EIF2AK4: variants seen among roughly 807,000 people sequenced by gnomAD.
EIF2AK4 encodes the protein eIF-2-alpha kinase GCN2.
EIF2AK4 carries 139 observed loss-of-function variants against 211.1 expected under a neutral mutation model. The observed-to-expected ratio is 0.66, with a 90% CI of 0.57 to 0.76. EIF2AK4 has a LOEUF of 0.76. Ranked by LOEUF, EIF2AK4 falls within the 30% of genes least tolerant of loss-of-function variation. The probability of loss-of-function intolerance (pLI) is 0.00; values close to 1 mark genes in which losing one functional copy is unlikely to be tolerated. For missense variants in EIF2AK4, 1,664 were observed against 2,043.8 expected, an observed-to-expected ratio of 0.81 and a Z score of 3.58; for synonymous variants, 710 against 751.3, an observed-to-expected ratio of 0.94 and a Z score of 0.90.
At chr15:40,029,268 G>T in intron 33 of EIF2AK4, 138 bp from the exon 34 acceptor site, 2 of 1,372,888 alleles carry the variant, frequency 1.5e-6, no homozygotes, top group Middle Eastern at 2.1e-4. Flanking sequence ...TTTTGTTTTT[G>T]TTTTTCCACC....
chr15:40,027,521 C>G (rs1423878861), intron 33 of EIF2AK4, among the ~76,000 whole-genome samples: 1 of 152,104 alleles, frequency 6.6e-6, no homozygotes, highest in Non-Finnish European at 1.5e-5. Flanking sequence ...TATTGTGCAG[C>G]CTTTAAAAAT....
intron 3 of EIF2AK4, among the ~76,000 whole-genome samples, chr15:39,945,983 T>C (rs2034222415): frequency 6.6e-6 from 1 of 152,218 alleles, no homozygotes; most frequent in Admixed American, 6.5e-5. Flanking sequence ...TAAAATATTA[T>C]TGCTCATTGA....
At chr15:39,988,698 C>G (rs968786101) in intron 15 of EIF2AK4, among the ~76,000 whole-genome samples, 2 of 152,058 alleles carry the variant, frequency 1.3e-5, no homozygotes, top group Non-Finnish European at 2.9e-5. Flanking sequence ...GAGGATGATT[C>G]CTTGAGTGCT....
At chr15:40,026,150 A>C in intron 33 of EIF2AK4, 61 bp downstream of exon 33, 1 of 1,445,436 alleles carries the variant, frequency 6.9e-7, no homozygotes, top group Non-Finnish European at 9.6e-7. Flanking sequence ...AAACTACGTA[A>C]ATTTATTTTA....
chr15:39,957,735 G>A (rs567462619), intron 6 of EIF2AK4, among the ~76,000 whole-genome samples: 7 of 152,326 alleles, frequency 4.6e-5, no homozygotes, highest in African/African-American at 1.4e-4. Flanking sequence ...ATCTGATGCA[G>A]GGAGGGAGCC....
intron 9 of EIF2AK4, 52 bp from the exon 10 acceptor site, chr15:39,972,856 G>C: frequency 6.9e-7 from 1 of 1,453,298 alleles, no homozygotes; most frequent in South Asian, 1.1e-5. Context: ...GGATTAACTA[G>C]TTTAGCACTG....
intron 9 of EIF2AK4, among the ~76,000 whole-genome samples, chr15:39,968,399 A>C (rs1272552583): frequency 6.6e-6 from 1 of 152,224 alleles, no homozygotes; most frequent in Non-Finnish European, 1.5e-5. Flanking sequence ...TTTAATTACA[A>C]AGCCAAGTTT....
chr15:39,991,053 A>G (rs55652949), intron 16 of EIF2AK4: 12,095 of 152,560 alleles, frequency 0.079, 648 homozygotes, highest in East Asian at 0.24. Context: ...GTAGGCTTTG[A>G]ATGCCAGAGG....
rs2034565753 is a variant in EIF2AK4 at position 39,967,756 on chromosome 15, A to G, written c.1430A>G (p.Lys477Arg). The G allele has an allele frequency of 6.2e-7, 1 of 1,614,212 alleles. No homozygotes were observed. Among genetic ancestry groups the G allele is most frequent in the Non-Finnish European group, 8.5e-7 (1 of 1,180,030 alleles). The part of the protein sequence containing the change: ...SDNALPYKTG[K>R]KGDVWRLGLL... ...AATGCTCTGCCTTATAAAACGGGGA[A>G]GAAAGGAGATGTTTGGCGTCTTGGC... The change falls in exon 9 of 39, where the codon AAG (lysine) becomes AGG (arginine). Residue 477 changes from lysine (K) to arginine (R), a missense_variant. Physicochemically the swap from Lys to Arg is conservative, Grantham distance 26. Coordinates refer to ENST00000263791, the MANE Select transcript of EIF2AK4 (RefSeq NM_001013703.4).
chr15:39,939,142 G>T (rs2140895885), intron 1 of EIF2AK4, among the ~76,000 whole-genome samples: 1 of 152,174 alleles, frequency 6.6e-6, no homozygotes, highest in Non-Finnish European at 1.5e-5. Flanking sequence ...ATCACTATTT[G>T]AAATCACTCG....
intron 37 of EIF2AK4, among the ~76,000 whole-genome samples, chr15:40,033,951 C>T (rs2035577998): frequency 6.6e-6 from 1 of 151,714 alleles, no homozygotes; most frequent in African/African-American, 2.4e-5. Flanking sequence ...TTACTTGAAC[C>T]CAGGAGGTGG....
At chr15:40,003,454 G>T in intron 23 of EIF2AK4, 140 bp downstream of exon 23, 4 of 1,343,126 alleles carry the variant, frequency 3.0e-6, no homozygotes, top group Non-Finnish European at 4.0e-6. Context: ...AGTTGTCAGA[G>T]TGAGAGTGTT....
chr15:40,023,031 T>C (rs2035415502), intron 32 of EIF2AK4, among the ~76,000 whole-genome samples: 1 of 152,168 alleles, frequency 6.6e-6, no homozygotes, highest in Admixed American at 6.5e-5. Flanking sequence ...CCGGCCGTTG[T>C]TGGGTTTCTT....
chr15:39,938,616 G>A (rs1242995800), intron 1 of EIF2AK4, among the ~76,000 whole-genome samples: 1 of 152,206 alleles, frequency 6.6e-6, no homozygotes, highest in African/African-American at 2.4e-5. Flanking sequence ...CTCAATCCCA[G>A]CAACTTAGGA....
chr15:40,028,004 A>T (rs965750372), intron 33 of EIF2AK4, among the ~76,000 whole-genome samples: 36 of 152,248 alleles, frequency 2.4e-4, no homozygotes, highest in Admixed American at 1.2e-3. Context: ...CCAAATTTTT[A>T]ATTGTAGTTT....
chr15:39,995,511 G>A (rs944832125), intron 18 of EIF2AK4, among the ~76,000 whole-genome samples: 7 of 151,960 alleles, frequency 4.6e-5, no homozygotes, highest in African/African-American at 1.2e-4. Flanking sequence ...CCTTCCCAAC[G>A]CCATCTTCTC....
chr15:40,032,179 G>A lies in EIF2AK4; in HGVS notation c.4670G>A (p.Arg1557Gln), dbSNP rs749633596. Residue 1557 changes from arginine to glutamine, a missense_variant, in exon 36 of 39, where the codon CGA becomes CAA. By Grantham distance (43) the Arg-to-Gln change is conservative. Transcript: ENST00000263791. ...TTTCTTACTATTTAGGTACAAACTC[G>A]ACTTCAGACCTCCCTTGCCAACTTA... ...RRRYETQVQT[R>Q]LQTSLANLHQ... 18 of 1,613,914 alleles carry A rather than the reference G, an allele frequency of 1.1e-5. No homozygotes were observed. In the Admixed American group the frequency reaches 1.8e-4, roughly 16 times the overall value.
rs142987692 is a variant in EIF2AK4, at chr15:40,005,759, G to A, written c.3358-1257G>A. Among the ~76,000 whole-genome samples the A allele has an allele frequency of 2.1e-3, 319 of 151,938 alleles. 3 individuals carry two copies. Among genetic ancestry groups the A allele is most frequent in the Admixed American group, 0.016 (242 of 15,286 alleles). ...GCTAATTTTTTGTATTTTTAGTAGA[G>A]ACAGTGTTTCACTGTATTAGCAAGG... On this transcript the variant is annotated intron_variant, in intron 23 of 38. Coordinates refer to ENST00000263791, the MANE Select transcript of EIF2AK4 (RefSeq NM_001013703.4).
intron 32 of EIF2AK4, among the ~76,000 whole-genome samples, chr15:40,024,458 G>C (rs1273655416): frequency 6.9e-6 from 1 of 145,166 alleles, no homozygotes; most frequent in Admixed American, 7.0e-5. Context: ...ACGCAGGCTG[G>C]AGTGCAGTGG....
Sources: allele counts gnomAD v4.1 joint callset (sites outside exome capture counted in the v4.1 genomes callset), GRCh38; gene constraint gnomAD v4.1.1; transcripts MANE v1.5; gene names NCBI Gene and HGNC (gene_info 2026-07-23, HGNC 2026-07-21).